Variants in PALLD observed in about 807,000 individuals in gnomAD.
PALLD encodes palladin.
A neutral mutation model predicts 123.5 loss-of-function variants in PALLD; 61 were observed. The observed-to-expected ratio is 0.49, with a 90% CI of 0.40 to 0.61. The LOEUF is 0.61. Ranked by LOEUF, PALLD falls within the 20% of genes least tolerant of loss-of-function variation. The pLI is 0.00. For synonymous variants in PALLD, 465 were observed against 496.4 expected (o/e 0.94, Z 0.84); for missense variants, 1,273 against 1,377.0 (o/e 0.92, Z 1.20).
chr4:168,676,173 T>C (rs1780810861), intron 3 of PALLD, among the ~76,000 whole-genome samples: 1 of 152,220 alleles, frequency 6.6e-6, no homozygotes, highest in Admixed American at 6.5e-5. Flanking sequence ...GTATCTACTC[T>C]TTTGAACTTT....
intron 10 of PALLD, among the ~76,000 whole-genome samples, chr4:168,817,485 T>C (rs900223117): frequency 2.6e-5 from 4 of 152,202 alleles, no homozygotes; most frequent in Admixed American, 6.5e-5. Flanking sequence ...AATATGTTGA[T>C]AGTTACTGAA....
rs1265531062 is a variant in PALLD at position 168,783,082 on chromosome 4, GTGTA to G, written c.1964+71161_1964+71164del. Among the ~76,000 whole-genome samples the G allele has an allele frequency of 4.4e-3, 328 of 73,906 alleles. 2 individuals are homozygous for G. The highest frequency in any genetic ancestry group is 7.8e-3 in the Non-Finnish European group (190 of 24,508). The allele number at this position is 73,906 out of a possible 152,430, so 48.5% of individuals were successfully genotyped here. On this transcript the variant is annotated intron_variant, in intron 10 of 21. Transcript: ENST00000505667. ...TGTGTGTGTGTGTGTGTGTGTGTGT[GTGTA>G]TAGTACTGTTTCTGTTGAACAGATA...
At chr4:168,606,440 C>A (rs565904331) in intron 2 of PALLD, among the ~76,000 whole-genome samples, 1 of 151,822 alleles carries the variant, frequency 6.6e-6, no homozygotes, top group South Asian at 2.1e-4. Context: ...TTTGGGAGGC[C>A]GAGGAGGGTG....
At chr4:168,732,443 G>A (rs2150312383) in intron 10 of PALLD, among the ~76,000 whole-genome samples, 1 of 152,278 alleles carries the variant, frequency 6.6e-6, no homozygotes, top group South Asian at 2.1e-4. Flanking sequence ...TACAATGAAG[G>A]AGCCCAGTAG....
intron 8 of PALLD, 143 bp from the exon 9 acceptor site, chr4:168,708,885 A>C (rs1465188112): frequency 9.0e-6 from 7 of 780,092 alleles, no homozygotes; most frequent in Non-Finnish European, 1.5e-5. Flanking sequence ...ATGTAAAGAG[A>C]TTCTATTGTA....
chr4:168,605,891 C>G (rs1429095232), intron 2 of PALLD, among the ~76,000 whole-genome samples: 1 of 152,170 alleles, frequency 6.6e-6, no homozygotes, highest in Non-Finnish European at 1.5e-5. Flanking sequence ...TTGGGCTACG[C>G]CAATGTCAAT....
intron 2 of PALLD, among the ~76,000 whole-genome samples, chr4:168,582,177 C>T (rs1770355165): frequency 6.6e-6 from 1 of 151,892 alleles, no homozygotes; most frequent in Admixed American, 6.6e-5. Context: ...TCAGTGTGTC[C>T]AGATTTTTCA....
chr4:168,662,210 A>G (rs1779196826), intron 2 of PALLD, among the ~76,000 whole-genome samples: 1 of 152,198 alleles, frequency 6.6e-6, no homozygotes, highest in Non-Finnish European at 1.5e-5. Context: ...TTCAAAATGG[A>G]ATGAATAAAT....
chr4:168,767,162 A>G (rs934127978), intron 10 of PALLD, among the ~76,000 whole-genome samples: 1 of 152,106 alleles, frequency 6.6e-6, no homozygotes. Context: ...AACCCTCCAC[A>G]ACTATCTCTG....
Position 168,921,648 on chromosome 4 carries a change from G to C in PALLD, c.2965G>C (p.Glu989Gln). ...GAACGGGGTGCACTCTCTGATCATA[G>C]AGCCAGTCACGTCACGTGATGCCGG... The part of the protein sequence containing the change: ...RENGVHSLII[E>Q]PVTSRDAGIY... The change falls in exon 18 of 22, where the codon GAG becomes CAG. Residue 989 changes from glutamate to glutamine, a missense_variant. Glu to Gln is a conservative substitution (Grantham distance 29, BLOSUM62 2). This residue lies in a region of PALLD where 329 missense variants were observed against 422.5 expected (regional missense o/e 0.78). Coordinates refer to ENST00000505667, the MANE Select transcript of PALLD (RefSeq NM_001166108.2). 6.2e-7 allele frequency: 1 copy of C among 1,610,452 alleles called. No individual in the cohort carries two copies.
At chr4:168,529,550 T>C (rs1355239586) in intron 2 of PALLD, among the ~76,000 whole-genome samples, 2 of 152,106 alleles carry the variant, frequency 1.3e-5, no homozygotes, top group Non-Finnish European at 2.9e-5. Flanking sequence ...CCCAAAGAAA[T>C]GAATCTGGTA....
chr4:168,878,476 T>G, intron 10 of PALLD: 1,117 of 956,892 alleles, frequency 1.2e-3, no homozygotes, highest in Non-Finnish European at 1.5e-3. Context: ...ATACACGCGC[T>G]CCCATCAGCC....
At chr4:168,598,199 T>G (rs1020528504) in intron 2 of PALLD, 4 of 329,348 alleles carry the variant, frequency 1.2e-5, no homozygotes, top group Non-Finnish European at 1.9e-5. Flanking sequence ...GCTTATTTGT[T>G]AAATCTAGTC....
In PALLD at chr4:168,690,946, G is replaced by A. The variant is rs561943691; in HGVS notation, c.1477+202G>A. Among the ~76,000 whole-genome samples the A allele has an allele frequency of 1.1e-4, 16 of 152,188 alleles. No individual in the cohort carries two copies. In the East Asian group the frequency reaches 1.2e-3, roughly 11 times the overall value. On this transcript the variant is annotated intron_variant, in intron 7 of 21. Transcript: ENST00000505667. ...TCTAATGAAAGTCATATATTCTTTC[G>A]TCTTAAAAAATGCATATATACATTT...
intron 10 of PALLD, chr4:168,878,061 C>T (rs755431325): frequency 1.4e-6 from 2 of 1,475,146 alleles, no homozygotes; most frequent in South Asian, 1.3e-5. Flanking sequence ...ATGTCCCCGA[C>T]GCCGAGGCAG....
intron 3 of PALLD, among the ~76,000 whole-genome samples, chr4:168,674,807 G>A (rs1179711454): frequency 6.6e-6 from 1 of 152,234 alleles, no homozygotes; most frequent in African/African-American, 2.4e-5. Context: ...TAAGAGATAG[G>A]AGCTGGTATC....
At chr4:168,916,177 C>T (rs1267293365) in intron 17 of PALLD, 150 bp downstream of exon 17, 13 of 793,804 alleles carry the variant, frequency 1.6e-5, no homozygotes, top group Middle Eastern at 3.1e-4. Context: ...CTTTAGAGTC[C>T]AAAGCCGGGC....
chr4:168,806,795 A>G (rs1740268016), intron 10 of PALLD, among the ~76,000 whole-genome samples: 1 of 152,172 alleles, frequency 6.6e-6, no homozygotes. Context: ...GTACTTTTTA[A>G]AAGCAAAATA....
chr4:168,608,585 C>T (rs1034268319), intron 2 of PALLD, among the ~76,000 whole-genome samples: 1 of 152,172 alleles, frequency 6.6e-6, no homozygotes, highest in Non-Finnish European at 1.5e-5. Context: ...TAGAAAGCCT[C>T]ATTAGATATT....
Sources: gnomAD v4.1 joint callset for allele counts (sites outside exome capture counted in the v4.1 genomes callset) on GRCh38, gnomAD v4.1.1 for gene constraint, gnomAD v4.1.1 regional missense constraint, MANE v1.5 for transcripts, NCBI Gene and HGNC (gene_info 2026-07-23, HGNC 2026-07-21) for gene names.